The following GRIP1 variants were observed in gnomAD, a reference collection of about 807,000 sequenced individuals.
GRIP1 encodes the protein glutamate receptor-interacting protein 1.
GRIP1 carries 45 observed loss-of-function variants against 129.9 expected under a neutral mutation model. The ratio of observed to expected loss-of-function variants is 0.35; its 90% CI spans 0.27 to 0.44. The LOEUF (loss-of-function observed/expected upper bound fraction) is 0.44. GRIP1 is among the 20% of genes least tolerant of loss of function. The pLI is 1.00. For missense variants in GRIP1, 1,196 were observed against 1,396.8 expected (o/e 0.86, Z 2.29); for synonymous variants, 530 against 520.8 (o/e 1.02, Z -0.24).
chr12:66,657,068 AATGGGAGCAATT>A (rs1385724406), intron 1 of GRIP1, among the ~76,000 whole-genome samples: 1 of 152,190 alleles, frequency 6.6e-6, no homozygotes, highest in Non-Finnish European at 1.5e-5. Flanking sequence ...AAGAAAAAAA[AATGGGAGCAATT>A]CATTTTAACT....
At chr12:66,527,277 A>G (rs1287474506) in intron 5 of GRIP1, among the ~76,000 whole-genome samples, 1 of 151,654 alleles carries the variant, frequency 6.6e-6, no homozygotes, top group East Asian at 1.9e-4. Flanking sequence ...GAACCAACCC[A>G]AATGTCCAAC....
chr12:67,005,860 T>C (rs1327913871), intron 1 of GRIP1, among the ~76,000 whole-genome samples: 1 of 152,210 alleles, frequency 6.6e-6, no homozygotes, highest in Non-Finnish European at 1.5e-5. Flanking sequence ...CCTGAAAGTA[T>C]ACTTAACAAC....
chr12:66,725,527 G>T (rs183692548), intron 1 of GRIP1, among the ~76,000 whole-genome samples: 1 of 151,954 alleles, frequency 6.6e-6, no homozygotes, highest in Non-Finnish European at 1.5e-5. Context: ...TACAAAATGA[G>T]ATTTTTTTCT....
chr12:66,358,927 T>G (rs2054617305), intron 23 of GRIP1, among the ~76,000 whole-genome samples: 2 of 152,212 alleles, frequency 1.3e-5, no homozygotes, highest in South Asian at 4.1e-4. Context: ...TGCCCGAGGT[T>G]CCTGCTTATG....
chr12:66,962,348 C>T (rs1350801020), intron 1 of GRIP1, among the ~76,000 whole-genome samples: 2 of 151,964 alleles, frequency 1.3e-5, no homozygotes, highest in Non-Finnish European at 2.9e-5. Flanking sequence ...GGAAAGGAAT[C>T]GAGACAGGAA....
intron 1 of GRIP1, among the ~76,000 whole-genome samples, chr12:67,003,396 A>C (rs1487548778): frequency 6.6e-6 from 1 of 152,224 alleles, no homozygotes; most frequent in Non-Finnish European, 1.5e-5. Context: ...TGACATCTTA[A>C]AAATGATCAT....
intron 7 of GRIP1, among the ~76,000 whole-genome samples, chr12:66,474,143 C>T (rs867998877): frequency 1.3e-5 from 2 of 152,038 alleles, no homozygotes; most frequent in South Asian, 2.1e-4. Flanking sequence ...CATAAATGAC[C>T]TGTTGCAGCT....
At chr12:66,525,652 T>C (rs538188628) in intron 5 of GRIP1, among the ~76,000 whole-genome samples, 7 of 151,808 alleles carry the variant, frequency 4.6e-5, no homozygotes, top group Admixed American at 4.6e-4. Context: ...ACCACTCCTA[T>C]TAAACGTAGT....
chr12:66,947,753 TCTC>T (rs1183441305), intron 1 of GRIP1, among the ~76,000 whole-genome samples: 1 of 152,216 alleles, frequency 6.6e-6, no homozygotes, highest in Non-Finnish European at 1.5e-5. Flanking sequence ...TAGTAAAACT[TCTC>T]CTGCGACAGG....
intron 1 of GRIP1, among the ~76,000 whole-genome samples, chr12:66,856,949 A>C (rs2040016202): frequency 1.3e-5 from 2 of 152,206 alleles, no homozygotes; most frequent in Admixed American, 1.3e-4. Flanking sequence ...CACTATTCAC[A>C]ATAGCAAAGA....
intron 2 of GRIP1, among the ~76,000 whole-genome samples, chr12:66,575,448 A>C (rs60439033): frequency 0.044 from 6,690 of 152,318 alleles, 516 homozygotes; most frequent in African/African-American, 0.15. Context: ...TCGGTATCCT[A>C]GATAACACTT....
chr12:67,017,338 T>G (rs1320809308), intron 1 of GRIP1, among the ~76,000 whole-genome samples: 2 of 151,912 alleles, frequency 1.3e-5, no homozygotes, highest in African/African-American at 4.8e-5. Flanking sequence ...CATCCCCTTT[T>G]AAATGATAAA....
At chr12:66,979,480 A>T (rs1435252095) in intron 1 of GRIP1, among the ~76,000 whole-genome samples, 1 of 152,030 alleles carries the variant, frequency 6.6e-6, no homozygotes, top group Non-Finnish European at 1.5e-5. Flanking sequence ...ACCCGTCAAA[A>T]CACCTCTCAA....
intron 1 of GRIP1, among the ~76,000 whole-genome samples, chr12:66,655,767 G>T (rs887933214): frequency 6.6e-6 from 1 of 151,848 alleles, no homozygotes; most frequent in Non-Finnish European, 1.5e-5. Flanking sequence ...CCGCCACTGC[G>T]CCCAGCTAAT....
chr12:66,394,429 A>G lies in GRIP1; in HGVS notation c.1985-77T>C. ...AGTAAGATGCATAGATTCATACATAAAAGAATTCAAAACATCCTCGTCAAA... is the reference window on the plus strand; with the variant it reads ...AGTAAGATGCATAGATTCATACATAGAAGAATTCAAAACATCCTCGTCAAA... On this transcript the variant is annotated intron_variant, in intron 16 of 24. Coordinates refer to ENST00000359742, the MANE Select transcript of GRIP1 (RefSeq NM_001366722.1). 4.2e-6 allele frequency: 5 copies of G among 1,182,238 alleles called. No individual in the cohort carries two copies. The South Asian group carries it at 6.2e-5, about 15-fold the overall frequency. The allele number at this position is 1,182,238 out of a possible 1,614,324, so 73.2% of individuals were successfully genotyped here. A position where few individuals can be genotyped will look rare whatever the true frequency, so the allele number is the denominator to read the frequency against.
rs1462512737 is a variant in GRIP1 at position 66,578,231 on chromosome 12, G to GTTTTTTTTTTTTT, written c.136+18615_136+18616insAAAAAAAAAAAAA. 1.6e-3 allele frequency among the ~76,000 whole-genome samples: 51 copies of GTTTTTTTTTTTTT among 31,504 alleles called. 1 individual carries two copies. Among genetic ancestry groups the GTTTTTTTTTTTTT allele is most frequent in the Non-Finnish European group, 2.5e-3 (42 of 16,638 alleles). The allele number at this position is 31,504 out of a possible 152,430, so 20.7% of individuals were successfully genotyped here. A position where few individuals can be genotyped will look rare whatever the true frequency, so the allele number is the denominator to read the frequency against. The stretch of plus-strand genomic sequence containing the variant: ...AGCCTGACTAATATGGCAAAACCGC[G>GTTTTTTTTTTTTT]GTTTTTTTTTTTTTTTTTGTAAAAA... On this transcript the variant is annotated intron_variant, in intron 2 of 24. Coordinates refer to ENST00000359742, the MANE Select transcript of GRIP1 (RefSeq NM_001366722.1).
At chr12:66,952,077 G>C (rs1324709014) in intron 1 of GRIP1, among the ~76,000 whole-genome samples, 1 of 152,078 alleles carries the variant, frequency 6.6e-6, no homozygotes, top group Non-Finnish European at 1.5e-5. Flanking sequence ...TGTAAAGTGA[G>C]AAGAGGAGAG....
chr12:66,815,846 T>TC (rs1566036739), intron 1 of GRIP1, among the ~76,000 whole-genome samples: 4 of 48,024 alleles, frequency 8.3e-5, no homozygotes, highest in Admixed American at 2.7e-4. Flanking sequence ...CTTTCTTTCT[T>TC]TCTTTCTTTC....
At chr12:66,403,792 G>A (rs2057093146) in intron 16 of GRIP1, among the ~76,000 whole-genome samples, 1 of 152,166 alleles carries the variant, frequency 6.6e-6, no homozygotes, top group South Asian at 2.1e-4. Flanking sequence ...GGGAAAATGA[G>A]GCAAAGGAAA....
Sources: gnomAD v4.1 joint callset for allele counts (sites outside exome capture counted in the v4.1 genomes callset) on GRCh38, gnomAD v4.1.1 for gene constraint, MANE v1.5 for transcripts, NCBI Gene and HGNC (gene_info 2026-07-23, HGNC 2026-07-21) for gene names.